The following EYS variants were observed in gnomAD, a reference collection of about 807,000 sequenced individuals.
EYS encodes protein eyes shut homolog.
EYS carries 250 observed loss-of-function variants against 282.1 expected under a neutral mutation model. The observed-to-expected ratio is 0.89, with a 90% CI of 0.80 to 0.98. The LOEUF (loss-of-function observed/expected upper bound fraction) is 0.98, where lower values mean the gene tolerates loss of function less well. Among genes scored for constraint, EYS ranks in the 50% least tolerant of loss-of-function variants. The probability of loss-of-function intolerance (pLI) is 0.00; values close to 1 mark genes in which losing one functional copy is unlikely to be tolerated. For synonymous variants in EYS, 1,355 were observed against 1,282.9 expected (o/e 1.06, Z -1.20); for missense variants, 4,016 against 3,709.0 (o/e 1.08, Z -2.15).
intron 15 of EYS, among the ~76,000 whole-genome samples, chr6:64,922,509 A>G (rs2150082436): frequency 6.6e-6 from 1 of 152,336 alleles, no homozygotes; most frequent in East Asian, 1.9e-4. Context: ...TAAGACAAGT[A>G]TAAATATTAC....
chr6:64,440,055 G>T (rs1305665379), intron 26 of EYS, among the ~76,000 whole-genome samples: 2 of 151,626 alleles, frequency 1.3e-5, no homozygotes, highest in Non-Finnish European at 3.0e-5. Flanking sequence ...TGAAACAATG[G>T]ATTTGAATAT....
chr6:63,867,277 TA>T (rs1471823703), intron 35 of EYS, among the ~76,000 whole-genome samples: 1 of 152,208 alleles, frequency 6.6e-6, no homozygotes, highest in Non-Finnish European at 1.5e-5. Flanking sequence ...TGAGAGAATA[TA>T]TTTATATGAA....
intron 13 of EYS, among the ~76,000 whole-genome samples, chr6:65,022,521 G>C (rs1358758543): frequency 3.3e-5 from 5 of 151,932 alleles, no homozygotes. Flanking sequence ...CAAATTTATT[G>C]ACAGTGGATC....
chr6:64,396,820 A>T (rs935365613), intron 28 of EYS, among the ~76,000 whole-genome samples: 1 of 152,084 alleles, frequency 6.6e-6, no homozygotes, highest in African/African-American at 2.4e-5. Context: ...GACTTACTCT[A>T]AAAGTACAGT....
At chr6:65,329,670 C>G (rs68128811) in intron 11 of EYS, 1 of 980,982 alleles carries the variant, frequency 1.0e-6, no homozygotes, top group Non-Finnish European at 1.2e-6. Flanking sequence ...AACCTAAAAC[C>G]AACTATTCAA....
rs543693093 is a variant in EYS at position 64,635,981 on chromosome 6, A to G, written c.3444-9736T>C. ...ACTTTTTTTGGTTGGTAAGCTATTGATTATTGCCACAATTTTGGAGCCTGT... is the reference window on the plus strand; with the variant it reads ...ACTTTTTTTGGTTGGTAAGCTATTGGTTATTGCCACAATTTTGGAGCCTGT... On this transcript the variant is annotated intron_variant, in intron 22 of 42. Coordinates refer to ENST00000503581, the MANE Select transcript of EYS (RefSeq NM_001142800.2). 7.9e-5 allele frequency among the ~76,000 whole-genome samples: 12 copies of G among 152,216 alleles called. No individual in the cohort carries two copies. The South Asian group carries it at 2.3e-3, about 29-fold the overall frequency.
intron 35 of EYS, among the ~76,000 whole-genome samples, chr6:63,928,921 T>C (rs1334869303): frequency 6.6e-6 from 1 of 151,958 alleles, no homozygotes; most frequent in Non-Finnish European, 1.5e-5. Context: ...AAACGAAGAG[T>C]TTCTGTTGGA....
chr6:65,350,417 T>C (rs1770554065), intron 9 of EYS, among the ~76,000 whole-genome samples: 1 of 151,450 alleles, frequency 6.6e-6, no homozygotes, highest in Non-Finnish European at 1.5e-5. Flanking sequence ...AATAAAACTT[T>C]CAAAGTAAAT....
intron 12 of EYS, among the ~76,000 whole-genome samples, chr6:65,178,766 C>A (rs1274823546): frequency 6.6e-6 from 1 of 152,094 alleles, no homozygotes; most frequent in Non-Finnish European, 1.5e-5. Context: ...ACATTCTTCT[C>A]AGCACCACAC....
intron 28 of EYS, among the ~76,000 whole-genome samples, chr6:64,396,997 A>G (rs1435437724): frequency 6.6e-6 from 1 of 152,076 alleles, no homozygotes; most frequent in Non-Finnish European, 1.5e-5. Context: ...TGTCAATATT[A>G]CACTGCCTGA....
chr6:65,210,615 G>A lies in EYS; in HGVS notation c.2023+85248C>T, dbSNP rs185659237. On this transcript the variant is annotated intron_variant, in intron 12 of 42. Coordinates refer to ENST00000503581, the MANE Select transcript of EYS (RefSeq NM_001142800.2). The stretch of plus-strand genomic sequence containing the variant: ...GGAAAGCTTGGAAGGGGACAGCAGC[G>A]TTGTAAGTACATGGCAAAGAAAATA... Among the ~76,000 whole-genome samples the A allele has an allele frequency of 3.4e-3, 514 of 152,014 alleles. 3 individuals are homozygous for A. Among genetic ancestry groups the A allele is most frequent in the Admixed American group, 6.2e-3 (95 of 15,240 alleles).
chr6:64,985,888 T>C (rs1350537800), intron 14 of EYS, among the ~76,000 whole-genome samples: 1 of 151,462 alleles, frequency 6.6e-6, no homozygotes, highest in Non-Finnish European at 1.5e-5. Context: ...TTTAGATATA[T>C]GCCTGTTCTG....
intron 1 of EYS, among the ~76,000 whole-genome samples, chr6:65,668,860 G>A (rs1447176513): frequency 6.6e-6 from 1 of 151,774 alleles, no homozygotes; most frequent in Non-Finnish European, 1.5e-5. Flanking sequence ...AGTAGATTAC[G>A]CTGCTTTAAG....
At chr6:64,714,666 T>C (rs899597316) in intron 22 of EYS, among the ~76,000 whole-genome samples, 4 of 151,854 alleles carry the variant, frequency 2.6e-5, no homozygotes, top group African/African-American at 4.8e-5. Flanking sequence ...GCTGGGACTA[T>C]AGGAGCCTGC....
At chr6:65,181,758 C>T (rs12111132) in intron 12 of EYS, among the ~76,000 whole-genome samples, 2,973 of 152,146 alleles carry the variant, frequency 0.02, 34 homozygotes, top group African/African-American at 0.022. Flanking sequence ...CACATGCACA[C>T]GTATGTTTAT....
At chr6:64,379,380 A>G (rs1250579654) in intron 29 of EYS, among the ~76,000 whole-genome samples, 1 of 152,166 alleles carries the variant, frequency 6.6e-6, no homozygotes, top group Non-Finnish European at 1.5e-5. Flanking sequence ...TATAAACCAG[A>G]TTACTTCTTG....
rs370532388 is a variant in EYS, at chr6:65,329,867, C to T, written c.1766+5113G>A. ...GACTCTACAGAAATAGTTTTTGAAACTTCACCTGATTTTCTTATGGACTTT... is the reference window on the plus strand; with the variant it reads ...GACTCTACAGAAATAGTTTTTGAAATTTCACCTGATTTTCTTATGGACTTT... On this transcript the variant is annotated intron_variant, in intron 11 of 42. Transcript: ENST00000503581. 9.2e-6 allele frequency: 9 copies of T among 981,554 alleles called. No individual in the cohort carries two copies. The South Asian group carries it at 2.8e-4, about 31-fold the overall frequency. 60.8% of individuals were successfully genotyped at this position (981,554 alleles called of 1,614,324 possible). A position where few individuals can be genotyped will look rare whatever the true frequency, so the allele number is the denominator to read the frequency against.
intron 26 of EYS, among the ~76,000 whole-genome samples, chr6:64,481,230 ATG>A (rs1776427542): frequency 6.7e-6 from 1 of 148,156 alleles, no homozygotes; most frequent in Non-Finnish European, 1.5e-5. Context: ...ATATAATCAT[ATG>A]TGTTTGTATA....
At chr6:65,489,079 T>C (rs968631684) in intron 5 of EYS, among the ~76,000 whole-genome samples, 8 of 152,306 alleles carry the variant, frequency 5.3e-5, no homozygotes, top group Non-Finnish European at 1.0e-4. Context: ...AAAGACTTCA[T>C]GTCTGAAACA....
Sources: allele counts gnomAD v4.1 joint callset (sites outside exome capture counted in the v4.1 genomes callset), GRCh38; gene constraint gnomAD v4.1.1; transcripts MANE v1.5; gene names NCBI Gene and HGNC (gene_info 2026-07-23, HGNC 2026-07-21).